The following PRR14L variants were observed in gnomAD, a reference collection of about 807,000 sequenced individuals.
PRR14L encodes the protein proline rich 14 like.
Under a neutral mutation model 155.0 loss-of-function variants are expected in PRR14L, and 80 were observed. The observed-to-expected ratio is 0.52, with a 90% CI of 0.43 to 0.62. The LOEUF is 0.62. Among genes scored for constraint, PRR14L ranks in the 20% least tolerant of loss-of-function variants. The pLI, the probability that PRR14L is intolerant of heterozygous loss-of-function variation, is 0.00. For synonymous variants in PRR14L, 883 were observed against 916.0 expected (o/e 0.96, Z 0.65); for missense variants, 2,469 against 2,548.0 (o/e 0.97, Z 0.67).
intron 4 of PRR14L, among the ~76,000 whole-genome samples, chr22:31,710,478 A>G (rs2074615092): frequency 6.6e-6 from 1 of 150,850 alleles, no homozygotes. Context: ...TTTGAGACAG[A>G]GTCTCACTCT....
At chr22:31,748,736 A>G (rs2074854327) in intron 1 of PRR14L, among the ~76,000 whole-genome samples, 2 of 152,168 alleles carry the variant, frequency 1.3e-5, no homozygotes, top group African/African-American at 4.8e-5. Context: ...CCAGTCAGGA[A>G]GAAGTGATAC....
intron 7 of PRR14L, among the ~76,000 whole-genome samples, chr22:31,694,855 T>C (rs1430811012): frequency 6.6e-6 from 1 of 151,596 alleles, no homozygotes. Flanking sequence ...GAGGCCGAGA[T>C]GGGCGGATCA....
chr22:31,745,610 C>T (rs1422489441), intron 1 of PRR14L, among the ~76,000 whole-genome samples: 4 of 151,910 alleles, frequency 2.6e-5, no homozygotes, highest in Non-Finnish European at 2.9e-5. Context: ...CTTTGGGAGG[C>T]TGAGGCGGGT....
At chr22:31,710,578 G>A (rs528537277) in intron 4 of PRR14L, among the ~76,000 whole-genome samples, 5 of 151,152 alleles carry the variant, frequency 3.3e-5, no homozygotes, top group South Asian at 2.1e-4. Context: ...TCAGCCTCCC[G>A]AGTAGCTGGG....
chr22:31,727,396 GTTAA>G (rs2074722465), intron 2 of PRR14L, among the ~76,000 whole-genome samples: 1 of 151,784 alleles, frequency 6.6e-6, no homozygotes, highest in Admixed American at 6.6e-5. Context: ...GCCACACCTG[GTTAA>G]TTTTTTGTAT....
chr22:31,694,751 CAACAAA>C (rs988016380), intron 7 of PRR14L, among the ~76,000 whole-genome samples: 14 of 128,886 alleles, frequency 1.1e-4, no homozygotes, highest in Non-Finnish European at 2.3e-4. Context: ...GACTCCGTCT[CAACAAA>C]AACAAAAACA....
intron 4 of PRR14L, among the ~76,000 whole-genome samples, chr22:31,705,781 C>T (rs1348727501): frequency 6.6e-6 from 1 of 151,432 alleles, no homozygotes; most frequent in Admixed American, 6.6e-5. Flanking sequence ...GGGCAGATCA[C>T]TTGAGGCCAG....
At chr22:31,694,724 C>T (rs915068247) in intron 7 of PRR14L, among the ~76,000 whole-genome samples, 12 of 151,380 alleles carry the variant, frequency 7.9e-5, no homozygotes, top group Admixed American at 4.0e-4. Flanking sequence ...TGCACTCCAG[C>T]CTGGGTGACA....
rs767339801 is a variant in PRR14L at position 31,712,327 on chromosome 22, T to G, written c.5512A>C (p.Lys1838Gln). 3.7e-6 allele frequency: 6 copies of G among 1,614,154 alleles called. No individual in the cohort carries two copies. The highest frequency in any genetic ancestry group is 5.1e-6 in the Non-Finnish European group (6 of 1,180,024). Residue 1838 changes from lysine to glutamine, a missense_variant, in exon 4 of 9, where the codon AAA becomes CAA. Lys to Gln is a moderately conservative substitution (Grantham distance 53). Transcript: ENST00000327423. ...GGCATGTGGCTGGAGAAGCTCCGTTTTTTTGTCCAGATTCGGTAACATCCT... is the reference window on the plus strand; with the variant it reads ...GGCATGTGGCTGGAGAAGCTCCGTTGTTTTGTCCAGATTCGGTAACATCCT... ...SPGCYRIWTK[K>Q]RSFSSHMPTM... is the part of the protein sequence containing the mutation.
At chr22:31,721,865 T>C (rs1305863767) in intron 3 of PRR14L, among the ~76,000 whole-genome samples, 6 of 152,128 alleles carry the variant, frequency 3.9e-5, no homozygotes, top group Non-Finnish European at 8.8e-5. Context: ...CCATGGTAAT[T>C]TGATAGTACT....
chr22:31,748,150 A>T lies in PRR14L; in HGVS notation c.-52+1843T>A, dbSNP rs180726259. Among the ~76,000 whole-genome samples, 123 of 152,308 alleles carry T rather than the reference A, an allele frequency of 8.1e-4. 2 individuals are homozygous for T. Among genetic ancestry groups the T allele is most frequent in the Non-Finnish European group, 1.4e-3 (97 of 68,038 alleles). ...ATAATGACCAGGCCCTCAGAAGCTC[A>T]CAACACTCTTTTCACCTTGAGAAAG... On this transcript the variant is annotated intron_variant, in intron 1 of 8. Coordinates refer to ENST00000327423, the MANE Select transcript of PRR14L (RefSeq NM_173566.3).
chr22:31,682,441 G>A lies in PRR14L; in HGVS notation c.*3086C>T, dbSNP rs542507727. 3 of 152,214 alleles carry A rather than the reference G, an allele frequency of 2.0e-5. No individual in the cohort carries two copies. The highest frequency in any genetic ancestry group is 4.4e-5 in the Non-Finnish European group (3 of 68,018). 9.4% of individuals were successfully genotyped at this position (152,214 alleles called of 1,614,324 possible). On this transcript the variant is annotated 3_prime_UTR_variant, in exon 9 of 9. Coordinates refer to ENST00000327423, the MANE Select transcript of PRR14L (RefSeq NM_173566.3). ...CTCAGCTACTGTAGCTTAGAGTAAG[G>A]TCAGTAAGAAAAAGTGGACATGATC...
Position 31,738,869 on chromosome 22 carries a change from A to G in PRR14L, c.-9T>C, listed in dbSNP as rs2147876326. 1 of 1,493,740 alleles carries G rather than the reference A, an allele frequency of 6.7e-7. No individual in the cohort carries two copies. Among genetic ancestry groups the G allele is most frequent in the Non-Finnish European group, 9.0e-7 (1 of 1,109,286 alleles). The allele number at this position is 1,493,740 out of a possible 1,614,324, so 92.5% of individuals were successfully genotyped here. On this transcript the variant is annotated 5_prime_UTR_variant, in exon 2 of 9. Transcript: ENST00000327423. Reference sequence around the variant, plus strand: ...ACTCCAGATGACAGCATTAGGACAGATGCAGATTATGGAGTCAAGTCTTTT... The same window carrying G: ...ACTCCAGATGACAGCATTAGGACAGGTGCAGATTATGGAGTCAAGTCTTTT...
chr22:31,714,090 T>A lies in PRR14L; in HGVS notation c.3749A>T (p.Asn1250Ile), dbSNP rs1333850028. The A allele has an allele frequency of 3.2e-6, 5 of 1,549,994 alleles. No homozygotes were observed. The highest frequency in any genetic ancestry group is 4.4e-6 in the Non-Finnish European group (5 of 1,146,586). ...CAGGTCAGTTTCTTCACTGTTAACA[T>A]TAGTTTCTGAATTTTCTTGAGAAGG... is the stretch of plus-strand genomic sequence containing the variant. ...IMPSQENSETNVNSEETDLKN... is the reference protein window; with the variant it reads ...IMPSQENSETIVNSEETDLKN... Residue 1250 changes from asparagine to isoleucine, a missense_variant, in exon 4 of 9, where the codon AAT (asparagine) becomes ATT (isoleucine). This residue lies in a region of PRR14L where 2,363 missense variants were observed against 2,371.6 expected (regional missense o/e 1.00). Transcript: ENST00000327423.
chr22:31,710,432 C>G (rs2074614716), intron 4 of PRR14L, among the ~76,000 whole-genome samples: 1 of 151,926 alleles, frequency 6.6e-6, no homozygotes, highest in African/African-American at 2.4e-5. Context: ...GTTTATCTAT[C>G]ATGTGTATAG....
intron 7 of PRR14L, among the ~76,000 whole-genome samples, chr22:31,694,552 C>T (rs866145012): frequency 6.6e-6 from 1 of 151,726 alleles, no homozygotes. Context: ...TCGAGACCAT[C>T]CTGGCTAACA....
At position 31,692,783 on chromosome 22, in the gene PRR14L, G is replaced by A. The variant is rs76849668; in HGVS notation, c.6108-4556C>T. On this transcript the variant is annotated intron_variant, in intron 7 of 8. Coordinates refer to ENST00000327423, the MANE Select transcript of PRR14L (RefSeq NM_173566.3). ...AGTGTCCTAAATAGTTGAGACTACA[G>A]GAGTGTGCCACCATGCCTGGTTCAT... is the stretch of plus-strand genomic sequence containing the variant. Among the ~76,000 whole-genome samples the A allele has an allele frequency of 3.9e-3, 593 of 152,182 alleles. 1 individual carries two copies. Among genetic ancestry groups the A allele is most frequent in the African/African-American group, 0.014 (574 of 41,534 alleles).
intron 2 of PRR14L, among the ~76,000 whole-genome samples, chr22:31,728,870 T>C (rs150556206): frequency 3.0e-4 from 45 of 152,260 alleles, no homozygotes; most frequent in African/African-American, 9.9e-4. Flanking sequence ...TAACACTCTA[T>C]AGCTTATATG....
intron 3 of PRR14L, among the ~76,000 whole-genome samples, chr22:31,718,572 G>C (rs2074673096): frequency 6.8e-6 from 1 of 146,910 alleles, no homozygotes; most frequent in South Asian, 2.1e-4. Context: ...TAATTTTTTT[G>C]TATTTTTACT....
Sources: allele counts gnomAD v4.1 joint callset (sites outside exome capture counted in the v4.1 genomes callset), GRCh38; gene constraint gnomAD v4.1.1; regional missense constraint gnomAD v4.1.1; transcripts MANE v1.5; gene names NCBI Gene and HGNC (gene_info 2026-07-23, HGNC 2026-07-21).